Variants in DNAH2 observed in about 807,000 individuals in gnomAD.
DNAH2 encodes axonemal beta dynein heavy chain 2.
A neutral mutation model predicts 523.5 loss-of-function variants in DNAH2; 323 were observed. That is an observed-to-expected ratio of 0.62 (90% CI 0.56 to 0.68). DNAH2 has a LOEUF of 0.68. DNAH2 is among the 30% of genes least tolerant of loss of function. DNAH2 has a pLI of 0.00. For missense variants in DNAH2, 4,907 were observed against 5,701.5 expected (o/e 0.86, Z 4.49); for synonymous variants, 2,093 against 2,177.4 (o/e 0.96, Z 1.08).
chr17:7,807,693 T>A lies in DNAH2; in HGVS notation c.9729+107T>A. On this transcript the variant is annotated intron_variant, in intron 63 of 85. Transcript: ENST00000572933. The surrounding 1 kb of genome is among the most constrained non-coding windows in gnomAD (Gnocchi z 5.6). ...TCTAATTCTAGCCCCCTTCCCCATG[T>A]CCTGTGCCATTCCAGTCCTGTCTCC... The A allele has an allele frequency of 2.1e-6, 2 of 968,796 alleles. No homozygotes were observed. Among genetic ancestry groups the A allele is most frequent in the Admixed American group, 4.0e-5 (2 of 50,274 alleles). The allele number at this position is 968,796 out of a possible 1,614,324, so 60.0% of individuals were successfully genotyped here.
chr17:7,830,673 C>A lies in DNAH2; in HGVS notation c.12061C>A (p.Leu4021Met). Reference sequence around the variant, plus strand: ...TCATGCCTAGGTGTCAGAAAACTTGCTGAGCCTCTATCTCGATGAGTACGA... The same window carrying A: ...TCATGCCTAGGTGTCAGAAAACTTGATGAGCCTCTATCTCGATGAGTACGA... ...DSDFEVSENL[L>M]SLYLDEYEET... The change falls in exon 79 of 86, where the codon CTG becomes ATG. Residue 4021 changes from leucine (L) to methionine (M), a missense_variant. By Grantham distance (15) the Leu-to-Met change is conservative (BLOSUM62 2). Transcript: ENST00000572933. The A allele has an allele frequency of 6.2e-7, 1 of 1,614,160 alleles. No individual in the cohort carries two copies.
chr17:7,810,966 C>G (rs962364123), intron 63 of DNAH2, among the ~76,000 whole-genome samples: 1 of 152,210 alleles, frequency 6.6e-6, no homozygotes, highest in Non-Finnish European at 1.5e-5. Flanking sequence ...ACAAGGGTTA[C>G]AAACCAGTGG....
intron 18 of DNAH2, among the ~76,000 whole-genome samples, chr17:7,761,206 AAAG>A (rs1390289470): frequency 6.6e-6 from 1 of 152,186 alleles, no homozygotes; most frequent in Non-Finnish European, 1.5e-5. Context: ...CTGGAAGATG[AAAG>A]AAGTGAGCCC....
Position 7,777,576 on chromosome 17 carries a change from G to T in DNAH2, c.5189G>T (p.Gly1730Val). The T allele has an allele frequency of 1.2e-6, 2 of 1,614,178 alleles. No individual in the cohort carries two copies. The highest frequency in any genetic ancestry group is 1.7e-6 in the Non-Finnish European group (2 of 1,180,028). The change falls in exon 33 of 86, where the codon GGC becomes GTC. Residue 1730 changes from glycine to valine, a missense_variant. By Grantham distance (109) the Gly-to-Val change is moderately radical. Coordinates refer to ENST00000572933, the MANE Select transcript of DNAH2 (RefSeq NM_020877.5). ...GTGTTGGAGAAGCTTTACAAGAGTG[G>T]CCTCATGGATGTCAATTCCTTTGAC... ...RDVLEKLYKS[G>V]LMDVNSFDWL...
intron 18 of DNAH2, among the ~76,000 whole-genome samples, chr17:7,762,883 C>A (rs2151202112): frequency 1.4e-5 from 2 of 148,032 alleles, no homozygotes; most frequent in Non-Finnish European, 1.5e-5. Context: ...GAAACCGAGA[C>A]TCAAACAGTT....
rs1382921193 is a variant in DNAH2 at position 7,831,279 on chromosome 17, C to G, written c.12424C>G (p.Pro4142Ala). Reference protein sequence around the residue: ...TLLSLQPQITPTRAGGQTREE... With the variant: ...TLLSLQPQITATRAGGQTREE... ...GCTTTCCTTGCAACCTCAGATTACA[C>G]CCACCAGGGCTGGAGGCCAGACCCG... The change falls in exon 80 of 86, where the codon CCC (proline) becomes GCC (alanine). Residue 4142 changes from proline (P) to alanine (A), a missense_variant. Physicochemically the swap from Pro to Ala is conservative, Grantham distance 27. Around this residue, in one of 3 missense-constraint regions of DNAH2, gnomAD observed 1,851 missense variants for 2,139.4 expected, o/e 0.87. Coordinates refer to ENST00000572933, the MANE Select transcript of DNAH2 (RefSeq NM_020877.5). The surrounding 1 kb of genome is among the most constrained non-coding windows in gnomAD (Gnocchi z 4.2). The G allele has an allele frequency of 1.9e-6, 3 of 1,614,042 alleles. No homozygotes were observed. Among genetic ancestry groups the G allele is most frequent in the Non-Finnish European group, 2.5e-6 (3 of 1,180,056 alleles).
chr17:7,817,487 A>C, intron 65 of DNAH2, 72 bp downstream of exon 65: 1 of 1,613,380 alleles, frequency 6.2e-7, no homozygotes, highest in Non-Finnish European at 8.5e-7. Flanking sequence ...GGGAATATTA[A>C]GAGATACCGT....
At chr17:7,816,538 G>T in intron 63 of DNAH2, 33 bp from the exon 64 acceptor site, 2 of 1,611,494 alleles carry the variant, frequency 1.2e-6, no homozygotes, top group African/African-American at 1.3e-5. Flanking sequence ...TGCGAGCCCT[G>T]TGTTTGATGC....
intron 12 of DNAH2, among the ~76,000 whole-genome samples, chr17:7,748,288 G>A (rs1316021787): frequency 6.6e-6 from 1 of 152,168 alleles, no homozygotes; most frequent in Non-Finnish European, 1.5e-5. Context: ...CCTGAGAGGA[G>A]GAGACGAGAT....
In DNAH2 at chr17:7,774,752, T is replaced by C; in HGVS notation, c.4502-7T>C. 1.9e-6 allele frequency: 3 copies of C among 1,611,592 alleles called. No individual in the cohort carries two copies. Among genetic ancestry groups the C allele is most frequent in the South Asian group, 1.1e-5 (1 of 90,964 alleles). Reference sequence around the variant, plus strand: ...AATCAAATGTCATTCATCGCTCTTCTTCCCAGGCCTCCTGGACACATTGAT... The same window carrying C: ...AATCAAATGTCATTCATCGCTCTTCCTCCCAGGCCTCCTGGACACATTGAT... On this transcript the variant is annotated splice_region_variant and splice_polypyrimidine_tract_variant and intron_variant, in intron 28 of 85. Coordinates refer to ENST00000572933, the MANE Select transcript of DNAH2 (RefSeq NM_020877.5).
intron 11 of DNAH2, 79 bp downstream of exon 11, chr17:7,741,071 C>G (rs950227097): frequency 1.1e-5 from 16 of 1,507,578 alleles, no homozygotes; most frequent in Non-Finnish European, 1.4e-5. Flanking sequence ...GAGAGGTTCC[C>G]CAAAGAGTCT....
At position 7,830,227 on chromosome 17, in the gene DNAH2, T is replaced by C. The variant is rs2078131194; in HGVS notation, c.11854-73T>C. 3 of 1,505,524 alleles carry C rather than the reference T, an allele frequency of 2.0e-6. No individual in the cohort carries two copies. The African/African-American group carries it at 4.2e-5, about 21-fold the overall frequency. The allele number at this position is 1,505,524 out of a possible 1,614,324, so 93.3% of individuals were successfully genotyped here. A position where few individuals can be genotyped will look rare whatever the true frequency, so the allele number is the denominator to read the frequency against. On this transcript the variant is annotated intron_variant, in intron 77 of 85. Coordinates refer to ENST00000572933, the MANE Select transcript of DNAH2 (RefSeq NM_020877.5). ...TTGTGCAATGAAGAACCTCCACAAC[T>C]GTACATGGCAGTGCTAGTGGCAGGT...
intron 44 of DNAH2, 146 bp from the exon 45 acceptor site, chr17:7,791,771 C>A: frequency 4.0e-6 from 3 of 759,306 alleles, no homozygotes; most frequent in Admixed American, 2.6e-5. Flanking sequence ...AGATAAACAT[C>A]CACATTTGGA....
Position 7,737,049 on chromosome 17 carries a change from ATC to A in DNAH2, c.979-12_979-11del. On this transcript the variant is annotated splice_polypyrimidine_tract_variant and intron_variant, in intron 7 of 85. Coordinates refer to ENST00000572933, the MANE Select transcript of DNAH2 (RefSeq NM_020877.5). ...TTTCTAGTGCATAAATCTATTTCTC[ATC>A]TCTCTTTACTGCCAGGATGGCTCTC... 5 of 1,606,640 alleles carry A rather than the reference ATC, an allele frequency of 3.1e-6. No homozygotes were observed. The highest frequency in any genetic ancestry group is 4.3e-6 in the Non-Finnish European group (5 of 1,174,730).
chr17:7,801,803 G>T, intron 57 of DNAH2, 75 bp from the exon 58 acceptor site: 1 of 1,605,862 alleles, frequency 6.2e-7, no homozygotes, highest in Non-Finnish European at 8.5e-7. Flanking sequence ...TCTCCTTCCC[G>T]CCTCTCATCG....
chr17:7,758,936 CGAGCCCAAGA>C lies in DNAH2; in HGVS notation c.2263_2272del (p.Ala755CysfsTer35). 6.2e-7 allele frequency: 1 copy of C among 1,614,078 alleles called. No homozygotes were observed. On this transcript the variant is annotated frameshift_variant, in exon 15 of 86. Transcript: ENST00000572933. LOFTEE classifies it high-confidence loss of function. Reference sequence around the variant, plus strand: ...GGCATCCACTCTGACCATTGGCTGGCGAGCCCAAGAGATGTCAGAGAAGCTGCTGGTACGC... The same window carrying C: ...GGCATCCACTCTGACCATTGGCTGGCGATGTCAGAGAAGCTGCTGGTACGC...
chr17:7,738,294 C>G (rs2075201287), intron 8 of DNAH2, among the ~76,000 whole-genome samples: 1 of 152,102 alleles, frequency 6.6e-6, no homozygotes, highest in African/African-American at 2.4e-5. Flanking sequence ...TACTGTATCT[C>G]ATTGCCCTGG....
chr17:7,758,569 A>G lies in DNAH2; in HGVS notation c.2126A>G (p.His709Arg), dbSNP rs1313721018. 6.2e-7 allele frequency: 1 copy of G among 1,614,010 alleles called. No homozygotes were observed. The highest frequency in any genetic ancestry group is 1.3e-5 in the African/African-American group (1 of 74,906). Residue 709 changes from histidine (H) to arginine (R), a missense_variant, in exon 14 of 86, where the codon CAC becomes CGC. His to Arg is a conservative substitution (Grantham distance 29). This residue lies in a region of DNAH2 where 2,806 missense variants were observed against 3,190.8 expected (regional missense o/e 0.88). Coordinates refer to ENST00000572933, the MANE Select transcript of DNAH2 (RefSeq NM_020877.5). The part of the protein sequence containing the change: ...ERIRLLDKKI[H>R]PGLKKLHWAL... ...ATTCGGCTCCTGGATAAGAAGATCC[A>G]CCCGGGACTCAAGAAACTGCACTGG...
chr17:7,804,931 A>T, intron 59 of DNAH2, 27 bp from the exon 60 acceptor site: 2 of 1,599,504 alleles, frequency 1.3e-6, no homozygotes, highest in Non-Finnish European at 1.7e-6. Context: ...CAAAGACAAA[A>T]AACCCTTGTC....
Sources: allele counts gnomAD v4.1 joint callset (sites outside exome capture counted in the v4.1 genomes callset), GRCh38; gene constraint gnomAD v4.1.1; regional missense constraint gnomAD v4.1.1; non-coding constraint Gnocchi (gnomAD v3.1); transcripts MANE v1.5; gene names NCBI Gene and HGNC (gene_info 2026-07-23, HGNC 2026-07-21).